Variants in TRMO observed in about 807,000 individuals in gnomAD.
TRMO encodes tRNA methyltransferase O, also known as tRNA (adenine(37)-N6)-methyltransferase.
Under a neutral mutation model 37.2 loss-of-function variants are expected in TRMO, and 30 were observed. The observed-to-expected ratio is 0.81, with a 90% CI of 0.60 to 1.09. The LOEUF (loss-of-function observed/expected upper bound fraction) is 1.09, where lower values mean the gene tolerates loss of function less well. TRMO is among the 50% of genes least tolerant of loss of function. The pLI, the probability that TRMO is intolerant of heterozygous loss-of-function variation, is 0.00. For synonymous variants in TRMO, 239 were observed against 199.4 expected (o/e 1.20, Z -1.67); for missense variants, 552 against 549.5 (o/e 1.00, Z -0.05).
intron 2 of TRMO, chr9:97,914,013 A>G (rs1780284663): frequency 6.5e-6 from 1 of 154,302 alleles, no homozygotes; most frequent in Non-Finnish European, 1.4e-5. Flanking sequence ...TCCATTTGGC[A>G]TGACTAGACC....
intron 1 of TRMO, among the ~76,000 whole-genome samples, chr9:97,920,939 T>C (rs1436391093): frequency 6.6e-6 from 1 of 152,192 alleles, no homozygotes; most frequent in Non-Finnish European, 1.5e-5. Flanking sequence ...ACAATCAGAA[T>C]CCAAAGGTTC....
chr9:97,898,391 C>T, the TRMO span, among the ~76,000 whole-genome samples: 1 of 152,006 alleles, frequency 6.6e-6, no homozygotes, highest in Non-Finnish European at 1.5e-5. Context: ...AAGTGCTGTG[C>T]CATGATCTCG....
At chr9:97,898,838 C>CTGTTTTTTT in the TRMO span, among the ~76,000 whole-genome samples, 1 of 89,072 alleles carries the variant, frequency 1.1e-5, no homozygotes, top group Admixed American at 1.6e-4. Context: ...TATATATATA[C>CTGTTTTTTT]TTTTTTTTTT....
At chr9:97,919,023 CAAT>C (rs1424702355) in intron 1 of TRMO, among the ~76,000 whole-genome samples, 2 of 152,150 alleles carry the variant, frequency 1.3e-5, no homozygotes, top group Admixed American at 6.5e-5. Flanking sequence ...TTTTCTCTCT[CAAT>C]ATTATGAGGC....
chr9:97,904,060 C>T (rs1655536666), downstream of TRMO, among the ~76,000 whole-genome samples: 1 of 152,010 alleles, frequency 6.6e-6, no homozygotes. Context: ...CCAGCCTGGG[C>T]GAAAGAGCAA....
At chr9:97,897,523 A>G in the TRMO span, among the ~76,000 whole-genome samples, 1 of 152,230 alleles carries the variant, frequency 6.6e-6, no homozygotes, top group Non-Finnish European at 1.5e-5. Flanking sequence ...CCTTTGGACT[A>G]TCATTTGCTG....
chr9:97,916,857 C>G (rs1486430263), intron 1 of TRMO, among the ~76,000 whole-genome samples: 1 of 151,200 alleles, frequency 6.6e-6, no homozygotes, highest in African/African-American at 2.4e-5. Context: ...AGGCGCCCAC[C>G]ACCACGCTCA....
intron 2 of TRMO, among the ~76,000 whole-genome samples, chr9:97,914,681 T>C (rs1439669136): frequency 6.6e-6 from 1 of 151,984 alleles, no homozygotes; most frequent in Non-Finnish European, 1.5e-5. Flanking sequence ...AGACAGCTAT[T>C]AAAGAAAAAA....
At chr9:97,901,890 T>C (rs1831177214), downstream of TRMO, among the ~76,000 whole-genome samples, 1 of 152,148 alleles carries the variant, frequency 6.6e-6, no homozygotes, top group African/African-American at 2.4e-5. Flanking sequence ...GAGATGCACA[T>C]TTCCTCACAA....
intron 1 of TRMO, among the ~76,000 whole-genome samples, chr9:97,922,154 T>C (rs1048461678): frequency 2.0e-5 from 3 of 152,184 alleles, no homozygotes; most frequent in Non-Finnish European, 4.4e-5. Flanking sequence ...GCCCCTACGC[T>C]GCACGTAGCT....
downstream of TRMO, chr9:97,900,790 A>T (rs1471707658): frequency 2.1e-6 from 2 of 954,806 alleles, no homozygotes; most frequent in Non-Finnish European, 2.5e-6. Context: ...GTAGCATTTT[A>T]AAAACCCTAC....
chr9:97,901,912 A>G (rs7040232), downstream of TRMO, among the ~76,000 whole-genome samples: 30,451 of 152,144 alleles, frequency 0.2, 3,331 homozygotes, highest in Non-Finnish European at 0.24. Context: ...GGACACTTGA[A>G]GTTGTGCCCA....
chr9:97,919,951 T>C (rs1826548600), intron 1 of TRMO, among the ~76,000 whole-genome samples: 1 of 152,202 alleles, frequency 6.6e-6, no homozygotes, highest in South Asian at 2.1e-4. Context: ...ATACCAAATA[T>C]CCATATCCTA....
chr9:97,898,563 ATT>A, the TRMO span, among the ~76,000 whole-genome samples: 1 of 151,970 alleles, frequency 6.6e-6, no homozygotes, highest in Non-Finnish European at 1.5e-5. Flanking sequence ...ACCAAAAAAA[ATT>A]TTGTTTTAGA....
the TRMO span, among the ~76,000 whole-genome samples, chr9:97,897,416 T>TTTTTG: frequency 2.0e-4 from 30 of 152,286 alleles, no homozygotes; most frequent in African/African-American, 4.6e-4. Context: ...TTCTCTGGGT[T>TTTTTG]TTTTGTTTTG....
Position 97,916,288 on chromosome 9 carries a change from T to C in TRMO, c.127A>G (p.Lys43Glu), listed in dbSNP as rs773379134. Residue 43 changes from lysine (K) to glutamate (E), a missense_variant, in exon 2 of 5, where the codon AAG (lysine) becomes GAG (glutamate). Transcript: ENST00000375119. The stretch of plus-strand genomic sequence containing the variant: ...GATGGCTGTCTTGGAGTACCATTCT[T>C]GGCCGAGAAACAAGATTCCAAGTAG... The part of the protein sequence containing the change: ...VGYLESCFSA[K>E]NGTPRQPSIC... The C allele has an allele frequency of 1.3e-5, 21 of 1,613,654 alleles. No homozygotes were observed. The highest frequency in any genetic ancestry group is 1.5e-5 in the Non-Finnish European group (18 of 1,179,854).
At chr9:97,898,838 CTT>C in the TRMO span, among the ~76,000 whole-genome samples, 303 of 89,044 alleles carry the variant, frequency 3.4e-3, 9 homozygotes, top group East Asian at 0.089. Context: ...TATATATATA[CTT>C]TTTTTTTTTT....
chr9:97,914,670 T>C (rs1050766888), intron 2 of TRMO, among the ~76,000 whole-genome samples: 2 of 152,144 alleles, frequency 1.3e-5, no homozygotes, highest in South Asian at 2.1e-4. Context: ...TTTGTAATAA[T>C]AGACAGCTAT....
chr9:97,897,884 T>A, the TRMO span, among the ~76,000 whole-genome samples: 1 of 151,944 alleles, frequency 6.6e-6, no homozygotes, highest in Non-Finnish European at 1.5e-5. Context: ...AGATGTGGGG[T>A]CTTGCTCTGT....
Sources: allele counts gnomAD v4.1 joint callset (sites outside exome capture counted in the v4.1 genomes callset), GRCh38; gene constraint gnomAD v4.1.1; transcripts MANE v1.5; gene names NCBI Gene and HGNC (gene_info 2026-07-23, HGNC 2026-07-21).